ACOT8: variants seen among roughly 807,000 people sequenced by gnomAD.
The protein encoded by ACOT8 is acyl-coenzyme A thioesterase 8.
ACOT8 carries 31 observed loss-of-function variants against 38.4 expected under a neutral mutation model. The ratio of observed to expected loss-of-function variants is 0.81; its 90% CI spans 0.61 to 1.09. ACOT8 has a LOEUF of 1.09. ACOT8 is among the 50% of genes least tolerant of loss of function. The pLI, the probability that ACOT8 is intolerant of heterozygous loss-of-function variation, is 0.00. For synonymous variants in ACOT8, 158 were observed against 170.3 expected (o/e 0.93, Z 0.56); for missense variants, 373 against 421.8 (o/e 0.88, Z 1.01).
chr20:45,854,043 A>G (rs760808087), intron 2 of ACOT8: 52 of 1,180,130 alleles, frequency 4.4e-5, no homozygotes, highest in South Asian at 5.5e-5. Flanking sequence ...GTTTTTTAGC[A>G]TAGGTTTTGC....
In ACOT8 at chr20:45,857,383, C is replaced by G; in HGVS notation, c.-68G>C. The G allele has an allele frequency of 6.6e-7, 1 of 1,514,390 alleles. No individual in the cohort carries two copies. The highest frequency in any genetic ancestry group is 2.1e-4 in the Middle Eastern group (1 of 4,780). The allele number at this position is 1,514,390 out of a possible 1,614,324, so 93.8% of individuals were successfully genotyped here. A position where few individuals can be genotyped will look rare whatever the true frequency, so the allele number is the denominator to read the frequency against. On this transcript the variant is annotated 5_prime_UTR_variant, in exon 1 of 6. Coordinates refer to ENST00000217455, the MANE Select transcript of ACOT8 (RefSeq NM_005469.4). ...ACGCGGAGACATACACAGAACCTGA[C>G]TCTTCCGGCAGATTGCCCTAGTAAC...
At chr20:45,853,882 A>C in intron 2 of ACOT8, 1 of 1,269,676 alleles carries the variant, frequency 7.9e-7, no homozygotes, top group Non-Finnish European at 1.0e-6. Flanking sequence ...TTACAAAATG[A>C]AGGGGGAAAC....
rs768567394 is a variant in ACOT8, at chr20:45,843,567, A to C, written c.801T>G (p.Ala267=). The C allele has an allele frequency of 6.2e-7, 1 of 1,611,850 alleles. No homozygotes were observed. Residue 267 remains alanine (A), a synonymous_variant, in exon 5 of 6, where the codon GCT becomes GCG. Transcript: ENST00000217455. ...HSMWFHAPFR[A]DHWMLYECES... ...CGCATTCATAGAGCATCCAGTGGTC[A>C]GCTCGGAAGGGGGCGTGGAACCACA...
At chr20:45,847,428 A>T (rs1051461523) in intron 3 of ACOT8, among the ~76,000 whole-genome samples, 41 of 151,126 alleles carry the variant, frequency 2.7e-4, no homozygotes, top group Admixed American at 1.8e-3. Flanking sequence ...TATATATATA[A>T]AATATATATA....
chr20:45,856,175 G>T (rs867357349), intron 1 of ACOT8, among the ~76,000 whole-genome samples: 5 of 151,870 alleles, frequency 3.3e-5, no homozygotes, highest in Admixed American at 2.6e-4. Flanking sequence ...GAGGCAGAAG[G>T]GTCACTTGGG....
chr20:45,844,333 T>C lies in ACOT8; in HGVS notation c.576A>G (p.Pro192=), dbSNP rs146722391. 5.0e-5 allele frequency: 81 copies of C among 1,613,972 alleles called. No individual in the cohort carries two copies. Among genetic ancestry groups the C allele is most frequent in the Middle Eastern group, 3.3e-4 (2 of 6,084 alleles). ...EVPIEIKPVN[P]SPLSQLQRME... Reference sequence around the variant, plus strand: ...TTCTCTGCAGCTGGCTCAGGGGGGATGGGTTTACTGGCTTGATCTCAATGG... The same window carrying C: ...TTCTCTGCAGCTGGCTCAGGGGGGACGGGTTTACTGGCTTGATCTCAATGG... Residue 192 remains proline, a synonymous_variant, in exon 4 of 6, where the codon CCA becomes CCG. Transcript: ENST00000217455.
chr20:45,857,124 G>A (rs1985505811), intron 1 of ACOT8, 64 bp downstream of exon 1: 1 of 1,557,224 alleles, frequency 6.4e-7, no homozygotes, highest in East Asian at 2.3e-5. Flanking sequence ...GGCCCCGGGC[G>A]GCGGCAGTCA....
chr20:45,854,525 A>G (rs910331586), intron 2 of ACOT8, among the ~76,000 whole-genome samples: 1 of 152,156 alleles, frequency 6.6e-6, no homozygotes, highest in Admixed American at 6.6e-5. Context: ...ATAGGTTTTA[A>G]GTTACATTAT....
At position 45,848,455 on chromosome 20, in the gene ACOT8, A is replaced by G; in HGVS notation, c.483T>C (p.Tyr161=). The change falls in exon 3 of 6, where the codon TAT becomes TAC. Residue 161 remains tyrosine (Y), a synonymous_variant. Coordinates refer to ENST00000217455, the MANE Select transcript of ACOT8 (RefSeq NM_005469.4). ...GGAGCCTCCAGGTCTCTCACCTTAA[A>G]TACTGGTCAATGAGGGTCTCACAGT... is the stretch of plus-strand genomic sequence containing the variant. ...LLDCETLIDQ[Y]LRDPNLQKRY... 2 of 1,599,366 alleles carry G rather than the reference A, an allele frequency of 1.3e-6. No homozygotes were observed. The highest frequency in any genetic ancestry group is 1.7e-6 in the Non-Finnish European group (2 of 1,171,048).
At chr20:45,854,082 T>A in intron 2 of ACOT8, 1 of 864,552 alleles carries the variant, frequency 1.2e-6, no homozygotes, top group Non-Finnish European at 1.6e-6. Flanking sequence ...TATTTTTTTG[T>A]AGAGACAAGG....
At chr20:45,849,432 T>G (rs1303340721) in intron 2 of ACOT8, among the ~76,000 whole-genome samples, 4 of 149,814 alleles carry the variant, frequency 2.7e-5, no homozygotes, top group African/African-American at 9.9e-5. Flanking sequence ...ACTACAGGGG[T>G]GCATGACCAT....
In ACOT8 at chr20:45,843,522, C is replaced by T. The variant is rs1406509544; in HGVS notation, c.841+5G>A. The T allele has an allele frequency of 2.5e-6, 4 of 1,608,890 alleles. No homozygotes were observed. The highest frequency in any genetic ancestry group is 1.3e-5 in the African/African-American group (1 of 74,836). On this transcript the variant is annotated splice_donor_5th_base_variant and intron_variant, in intron 5 of 5. Coordinates refer to ENST00000217455, the MANE Select transcript of ACOT8 (RefSeq NM_005469.4). ...TGCCCTTGTCCCACACGGCCCCACA[C>T]TCACCGGCCCAGGGGCTCTCGCATT... is the stretch of plus-strand genomic sequence containing the variant.
At chr20:45,855,383 A>C in intron 1 of ACOT8, 91 bp from the exon 2 acceptor site, 2 of 1,497,324 alleles carry the variant, frequency 1.3e-6, no homozygotes, top group Non-Finnish European at 1.8e-6. Flanking sequence ...TCTCTTCACC[A>C]TATTGGGGTT....
intron 5 of ACOT8, chr20:45,843,119 CAG>C (rs1601087038): frequency 4.8e-6 from 5 of 1,040,034 alleles, no homozygotes; most frequent in Middle Eastern, 4.3e-4. Flanking sequence ...AGGGTGGAAT[CAG>C]AATCTATTTT....
chr20:45,848,999 T>C (rs960777337), intron 2 of ACOT8: 3 of 275,044 alleles, frequency 1.1e-5, no homozygotes, highest in Non-Finnish European at 2.0e-5. Flanking sequence ...GGGATCATCA[T>C]GGTGCTCATC....
chr20:45,855,070 C>T, intron 2 of ACOT8, 89 bp downstream of exon 2: 1 of 1,549,242 alleles, frequency 6.5e-7, no homozygotes, highest in Non-Finnish European at 8.8e-7. Context: ...TTCCAGTCTC[C>T]CTCTCTTCCC....
At chr20:45,851,034 G>A (rs943677609) in intron 2 of ACOT8, among the ~76,000 whole-genome samples, 1 of 152,210 alleles carries the variant, frequency 6.6e-6, no homozygotes, top group East Asian at 1.9e-4. Context: ...TCTGGGCCAT[G>A]AGACATCTTG....
intron 2 of ACOT8, among the ~76,000 whole-genome samples, chr20:45,850,392 GTGGTCATTATT>G (rs1984987005): frequency 6.6e-6 from 1 of 152,238 alleles, no homozygotes; most frequent in South Asian, 2.1e-4. Flanking sequence ...AATTGTTACA[GTGGTCATTATT>G]TGGCTTGCTG....
At chr20:45,856,424 G>A (rs1473239834) in intron 1 of ACOT8, among the ~76,000 whole-genome samples, 1 of 152,170 alleles carries the variant, frequency 6.6e-6, no homozygotes, top group Non-Finnish European at 1.5e-5. Flanking sequence ...GGTGGCTCAT[G>A]CCTGTAATCC....
Sources: gnomAD v4.1 joint callset for allele counts (sites outside exome capture counted in the v4.1 genomes callset) on GRCh38, gnomAD v4.1.1 for gene constraint, MANE v1.5 for transcripts, NCBI Gene and HGNC (gene_info 2026-07-23, HGNC 2026-07-21) for gene names.